ALDH1A1: variants seen among roughly 807,000 people sequenced by gnomAD.
ALDH1A1 encodes aldehyde dehydrogenase 1 family member A1.
Under a neutral mutation model 62.1 loss-of-function variants are expected in ALDH1A1, and 19 were observed. The observed-to-expected ratio is 0.31, with a 90% confidence interval of 0.21 to 0.45. ALDH1A1 has a LOEUF of 0.45. Among genes scored for constraint, ALDH1A1 ranks in the 20% least tolerant of loss-of-function variants. The probability of loss-of-function intolerance (pLI) is 1.00; values close to 1 mark genes in which losing one functional copy is unlikely to be tolerated. For synonymous variants in ALDH1A1, 231 were observed against 215.9 expected (o/e 1.07, Z -0.61); for missense variants, 521 against 607.1 (o/e 0.86, Z 1.49).
intron 2 of ALDH1A1, among the ~76,000 whole-genome samples, chr9:72,936,058 G>C (rs1198994356): frequency 6.6e-6 from 1 of 152,176 alleles, no homozygotes; most frequent in African/African-American, 2.4e-5. Context: ...TTTAGTTTTA[G>C]TAACCAGTTG....
chr9:72,921,142 G>C (rs186501762), intron 7 of ALDH1A1, among the ~76,000 whole-genome samples: 4 of 151,716 alleles, frequency 2.6e-5, no homozygotes, highest in Non-Finnish European at 5.9e-5. Flanking sequence ...AGCTACTCGG[G>C]AGGCTGAGGC....
intron 12 of ALDH1A1, 37 bp downstream of exon 12, chr9:72,905,921 A>G: frequency 6.7e-7 from 1 of 1,496,732 alleles, no homozygotes; most frequent in Non-Finnish European, 9.1e-7. Flanking sequence ...CATTTTCATA[A>G]AAATAAATAT....
intron 1 of ALDH1A1, among the ~76,000 whole-genome samples, chr9:72,948,007 T>C (rs1830494393): frequency 6.6e-6 from 1 of 151,978 alleles, no homozygotes; most frequent in Admixed American, 6.6e-5. Flanking sequence ...AAGTAGTTAA[T>C]AAGTGCCAGC....
rs1829821546 is a variant in ALDH1A1 at position 72,902,762 on chromosome 9, A to C, written c.1434-1482T>G. Among the ~76,000 whole-genome samples the C allele has an allele frequency of 2.0e-5, 3 of 151,962 alleles. No homozygotes were observed. The South Asian group carries it at 6.2e-4, about 32-fold the overall frequency. ...TATACTATATCTACGACATAGCCCCAAACATCTGTTTGGATTTCTCTTCAT... is the reference window on the plus strand; with the variant it reads ...TATACTATATCTACGACATAGCCCCCAACATCTGTTTGGATTTCTCTTCAT... On this transcript the variant is annotated intron_variant, in intron 12 of 12. Transcript: ENST00000297785.
intron 12 of ALDH1A1, among the ~76,000 whole-genome samples, chr9:72,905,452 T>C (rs1283932188): frequency 1.3e-5 from 2 of 152,110 alleles, no homozygotes; most frequent in African/African-American, 2.4e-5. Context: ...TAACTTCTTA[T>C]GGTAATAAAA....
At chr9:72,938,017 C>T (rs889513015) in intron 2 of ALDH1A1, among the ~76,000 whole-genome samples, 1 of 152,156 alleles carries the variant, frequency 6.6e-6, no homozygotes, top group African/African-American at 2.4e-5. Flanking sequence ...TCTCCTAAAT[C>T]TAAAAGGGCC....
chr9:72,943,850 C>T (rs8187894), intron 1 of ALDH1A1, among the ~76,000 whole-genome samples: 3 of 151,586 alleles, frequency 2.0e-5, no homozygotes, highest in Admixed American at 2.0e-4. Context: ...GACTGTGGAG[C>T]AAAATGGCCA....
chr9:72,950,369 A>G (rs535280299), intron 1 of ALDH1A1, among the ~76,000 whole-genome samples: 15 of 151,884 alleles, frequency 9.9e-5, no homozygotes, highest in Non-Finnish European at 1.9e-4. Context: ...GTTCATTTAG[A>G]GTTGGAAAGA....
chr9:72,924,389 T>C (rs1830179887), intron 6 of ALDH1A1, among the ~76,000 whole-genome samples: 1 of 152,230 alleles, frequency 6.6e-6, no homozygotes, highest in Non-Finnish European at 1.5e-5. Context: ...GCTCCAGTGA[T>C]GGCTCTTTCA....
chr9:72,947,657 G>A (rs1469013078), intron 1 of ALDH1A1, among the ~76,000 whole-genome samples: 3 of 151,868 alleles, frequency 2.0e-5, no homozygotes, highest in African/African-American at 7.3e-5. Flanking sequence ...TAGTACTACT[G>A]GTTTTGATAT....
chr9:72,911,990 C>T lies in ALDH1A1; in HGVS notation c.1168G>A (p.Val390Ile). Reference sequence around the variant, plus strand: ...TTGGCAATGCGCATCTCATCTGTAACATTAGAGAACACTGTGGGCTGGACA... The same window carrying T: ...TTGGCAATGCGCATCTCATCTGTAATATTAGAGAACACTGTGGGCTGGACA... ...YFVQPTVFSN[V>I]TDEMRIAKEE... The change falls in exon 10 of 13, where the codon GTT (valine) becomes ATT (isoleucine). Residue 390 changes from valine (V) to isoleucine (I), a missense_variant. Transcript: ENST00000297785. 6.2e-7 allele frequency: 1 copy of T among 1,614,010 alleles called. No individual in the cohort carries two copies. The highest frequency in any genetic ancestry group is 8.5e-7 in the Non-Finnish European group (1 of 1,179,920).
chr9:72,908,552 GAAGAAAGAAAGAAAGAAAGA>G (rs141763068), intron 11 of ALDH1A1, among the ~76,000 whole-genome samples: 10,770 of 91,734 alleles, frequency 0.12, 704 homozygotes, highest in South Asian at 0.14. Flanking sequence ...AGAAAAGAAA[GAAGAAAGAAAGAAAGAAAGA>G]AAGAAAGAAA....
chr9:72,946,512 T>G lies in ALDH1A1; in HGVS notation c.67-6260A>C, dbSNP rs572545119. 1.4e-4 allele frequency among the ~76,000 whole-genome samples: 21 copies of G among 152,060 alleles called. 1 individual carries two copies. The South Asian group carries it at 4.2e-3, about 30-fold the overall frequency. ...TTCTCAAGCAATGCTTCTAAGTTTG[T>G]GGATACTTTTGCTATATACATCTAT... is the stretch of plus-strand genomic sequence containing the variant. On this transcript the variant is annotated intron_variant, in intron 1 of 12. Transcript: ENST00000297785.
In ALDH1A1 at chr9:72,931,069, C is replaced by A. The variant is rs370894682; in HGVS notation, c.172-50G>T. The A allele has an allele frequency of 3.4e-5, 55 of 1,607,028 alleles. 1 individual carries two copies. In the South Asian group the frequency reaches 3.9e-4, roughly 11 times the overall value. On this transcript the variant is annotated intron_variant, in intron 2 of 12. Transcript: ENST00000297785. ...CAGTAAGCTAAACATATTAGGCAAG[C>A]AAATTTAATGCCAATAACCCTGTAA...
intron 2 of ALDH1A1, among the ~76,000 whole-genome samples, chr9:72,938,249 A>G (rs962226984): frequency 2.6e-5 from 4 of 152,108 alleles, no homozygotes; most frequent in African/African-American, 9.7e-5. Flanking sequence ...AGCAATAATA[A>G]TAATAATAAA....
intron 1 of ALDH1A1, among the ~76,000 whole-genome samples, chr9:72,941,797 A>G (rs1830418631): frequency 6.6e-6 from 1 of 152,202 alleles, no homozygotes; most frequent in South Asian, 2.1e-4. Context: ...AATTTTCCAT[A>G]CAAGAAAACA....
chr9:72,914,824 A>T (rs1001734702), intron 9 of ALDH1A1, among the ~76,000 whole-genome samples: 1 of 152,062 alleles, frequency 6.6e-6, no homozygotes, highest in Non-Finnish European at 1.5e-5. Flanking sequence ...CCCTAAAACA[A>T]ATCGTTTTGA....
intron 7 of ALDH1A1, among the ~76,000 whole-genome samples, chr9:72,922,810 T>C (rs1392809663): frequency 6.6e-6 from 1 of 152,222 alleles, no homozygotes; most frequent in African/African-American, 2.4e-5. Context: ...CCACTTGTTC[T>C]GTCTACAATA....
chr9:72,952,001 G>T (rs968125424), intron 1 of ALDH1A1, among the ~76,000 whole-genome samples: 3 of 151,766 alleles, frequency 2.0e-5, no homozygotes, highest in African/African-American at 7.3e-5. Context: ...TATAACAGTG[G>T]GGACTTTTAC....
Sources: gnomAD v4.1 joint callset for allele counts (sites outside exome capture counted in the v4.1 genomes callset) on GRCh38, gnomAD v4.1.1 for gene constraint, MANE v1.5 for transcripts, NCBI Gene and HGNC (gene_info 2026-07-23, HGNC 2026-07-21) for gene names.